Variants in PLEKHA6 observed in about 807,000 individuals in gnomAD.
PLEKHA6 encodes the protein pleckstrin homology domain-containing family A member 6.
Under a neutral mutation model 116.7 loss-of-function variants are expected in PLEKHA6, and 60 were observed. The observed-to-expected ratio is 0.51, with a 90% confidence interval of 0.42 to 0.64. PLEKHA6 has a LOEUF of 0.64. Among genes scored for constraint, PLEKHA6 ranks in the 30% least tolerant of loss-of-function variants. PLEKHA6 has a pLI of 0.00. For missense variants in PLEKHA6, 1,338 were observed against 1,422.7 expected (o/e 0.94, Z 0.96); for synonymous variants, 489 against 556.1 (o/e 0.88, Z 1.70).
intron 1 of PLEKHA6, among the ~76,000 whole-genome samples, chr1:204,343,144 T>C (rs934312035): frequency 6.6e-5 from 10 of 152,182 alleles, no homozygotes; most frequent in Non-Finnish European, 1.2e-4. Context: ...TACAATGAGC[T>C]CAATTTAAAC....
chr1:204,347,847 A>T (rs1673121528), intron 1 of PLEKHA6, among the ~76,000 whole-genome samples: 1 of 152,062 alleles, frequency 6.6e-6, no homozygotes, highest in Non-Finnish European at 1.5e-5. Flanking sequence ...GGATGCAGAG[A>T]TTAGGGGTTC....
chr1:204,301,268 G>A (rs1175084498), intron 1 of PLEKHA6: 13 of 982,994 alleles, frequency 1.3e-5, no homozygotes, highest in Middle Eastern at 1.0e-3. Context: ...CTGACAGCGA[G>A]TCAAAGCACT....
chr1:204,328,492 G>A (rs540774130), intron 1 of PLEKHA6, among the ~76,000 whole-genome samples: 1 of 150,832 alleles, frequency 6.6e-6, no homozygotes, highest in East Asian at 2.0e-4. Flanking sequence ...TGCCTCTCGG[G>A]TTTCCCTGCC....
chr1:204,322,297 A>T (rs74138377), intron 1 of PLEKHA6, among the ~76,000 whole-genome samples: 2,226 of 152,030 alleles, frequency 0.015, 63 homozygotes, highest in African/African-American at 0.052. Flanking sequence ...TTGTGCCCAG[A>T]CTCCTTGTTT....
chr1:204,260,929 G>A (rs1334518966), intron 7 of PLEKHA6, among the ~76,000 whole-genome samples: 2 of 152,202 alleles, frequency 1.3e-5, no homozygotes, highest in African/African-American at 2.4e-5. Context: ...CTGAGATCAC[G>A]CTACAGCCAA....
intron 1 of PLEKHA6, among the ~76,000 whole-genome samples, chr1:204,281,329 T>A (rs1327326850): frequency 1.3e-5 from 2 of 151,964 alleles, no homozygotes; most frequent in Non-Finnish European, 2.9e-5. Flanking sequence ...ATCAAGACCA[T>A]CCTGGCTAAC....
In PLEKHA6 at chr1:204,241,774, T is replaced by A. The variant is rs777618534; in HGVS notation, c.2213A>T (p.Gln738Leu). 2.5e-6 allele frequency: 4 copies of A among 1,614,152 alleles called. No individual in the cohort carries two copies. The East Asian group carries it at 8.9e-5, about 36-fold the overall frequency. ...NYEQSKKDPH[Q>L]TLPLDTPRDI... ...TCTGGGGGTGTCCAGGGGCAATGTC[T>A]GGTGGGGGTCTTTCTTGCTTTGTTC... Residue 738 changes from glutamine to leucine, a missense_variant, in exon 16 of 23, where the codon CAG becomes CTG. By Grantham distance (113) the Gln-to-Leu change is moderately radical. Around this residue, in one of 3 missense-constraint regions of PLEKHA6, gnomAD observed 1,136 missense variants for 1,163.6 expected, o/e 0.98. Transcript: ENST00000272203.
intron 6 of PLEKHA6, 52 bp downstream of exon 6, chr1:204,264,890 G>T: frequency 7.9e-7 from 1 of 1,259,190 alleles, no homozygotes; most frequent in Non-Finnish European, 1.2e-6. Context: ...ATAGGCTCTA[G>T]AAGAGCAGGC....
In PLEKHA6 at chr1:204,261,289, A is replaced by G; in HGVS notation, c.524+17T>C. 1 of 1,613,918 alleles carries G rather than the reference A, an allele frequency of 6.2e-7. No homozygotes were observed. Among genetic ancestry groups the G allele is most frequent in the Non-Finnish European group, 8.5e-7 (1 of 1,179,928 alleles). Reference sequence around the variant, plus strand: ...TTATTCTTCCTGCACCCCCACACTCAATTCCCTGGCACTCACCTGTGCCGC... The same window carrying G: ...TTATTCTTCCTGCACCCCCACACTCGATTCCCTGGCACTCACCTGTGCCGC... On this transcript the variant is annotated intron_variant, in intron 7 of 22. Transcript: ENST00000272203. The surrounding 1 kb of genome is among the most constrained non-coding windows in gnomAD (Gnocchi z 4.0).
At chr1:204,256,710 G>T (rs1054043377) in intron 9 of PLEKHA6, 3 of 451,850 alleles carry the variant, frequency 6.6e-6, no homozygotes, top group Non-Finnish European at 7.8e-6. Context: ...TAGGCACAGA[G>T]CGTCCCTGGA....
intron 9 of PLEKHA6, among the ~76,000 whole-genome samples, chr1:204,255,052 CCTCT>C (rs1226256209): frequency 6.6e-6 from 1 of 152,140 alleles, no homozygotes; most frequent in Non-Finnish European, 1.5e-5. Flanking sequence ...GATAATACTC[CCTCT>C]GTTTGCACTG....
chr1:204,237,549 T>G (rs1662233296), intron 17 of PLEKHA6, among the ~76,000 whole-genome samples: 1 of 152,178 alleles, frequency 6.6e-6, no homozygotes, highest in Non-Finnish European at 1.5e-5. Flanking sequence ...AACCAAGTGG[T>G]GACTCCAATT....
At chr1:204,265,463 G>A (rs1666685113) in intron 5 of PLEKHA6, among the ~76,000 whole-genome samples, 1 of 152,214 alleles carries the variant, frequency 6.6e-6, no homozygotes, top group South Asian at 2.1e-4. Flanking sequence ...TATAGGTAAG[G>A]AAGCTGAGAC....
intron 1 of PLEKHA6, chr1:204,308,977 C>T (rs1671542609): frequency 3.4e-6 from 2 of 585,316 alleles, no homozygotes; most frequent in Admixed American, 1.3e-4. Context: ...GCGTGAGCCA[C>T]CACGCCCGGC....
At position 204,245,671 on chromosome 1, in the gene PLEKHA6, A is replaced by G; in HGVS notation, c.1976T>C (p.Met659Thr). The G allele has an allele frequency of 1.9e-6, 3 of 1,613,870 alleles. No homozygotes were observed. Among genetic ancestry groups the G allele is most frequent in the Non-Finnish European group, 2.5e-6 (3 of 1,179,876 alleles). The change falls in exon 14 of 23, where the codon ATG (methionine) becomes ACG (threonine). Residue 659 changes from methionine to threonine, a missense_variant. Physicochemically the swap from Met to Thr is moderately conservative, Grantham distance 81. This residue lies in a region of PLEKHA6 where 1,136 missense variants were observed against 1,163.6 expected (regional missense o/e 0.98). Coordinates refer to ENST00000272203, the MANE Select transcript of PLEKHA6 (RefSeq NM_014935.5). ...QKEIWRIQDV[M>T]EGLRKNNPSR... is the part of the protein sequence containing the mutation. The stretch of plus-strand genomic sequence containing the variant: ...GGGGTTGTTCTTCCTCAGCCCCTCC[A>G]TCACGTCCTGGATCCTCCAGATCTC...
At chr1:204,373,594 T>C (rs756693011) in intron 1 of PLEKHA6, among the ~76,000 whole-genome samples, 7 of 152,288 alleles carry the variant, frequency 4.6e-5, no homozygotes, top group Middle Eastern at 3.4e-3. Context: ...TAGTATTCCA[T>C]TGTAGGAAAC....
chr1:204,327,414 C>G (rs970587060), intron 1 of PLEKHA6, among the ~76,000 whole-genome samples: 4 of 152,224 alleles, frequency 2.6e-5, no homozygotes, highest in Non-Finnish European at 4.4e-5. Context: ...AGGAAGTAGA[C>G]AGCGATAAGG....
At chr1:204,226,724 A>T (rs550340016) in intron 21 of PLEKHA6, among the ~76,000 whole-genome samples, 32 of 152,064 alleles carry the variant, frequency 2.1e-4, no homozygotes, top group Admixed American at 2.1e-3. Context: ...AGTCCATTAC[A>T]CCCTAACTGG....
At chr1:204,272,929 G>C (rs1474563556) in intron 3 of PLEKHA6, among the ~76,000 whole-genome samples, 1 of 152,148 alleles carries the variant, frequency 6.6e-6, no homozygotes, top group Non-Finnish European at 1.5e-5. Flanking sequence ...TAGAAGAGCG[G>C]TTTCTATGCT....
Sources: gnomAD v4.1 joint callset for allele counts (sites outside exome capture counted in the v4.1 genomes callset) on GRCh38, gnomAD v4.1.1 for gene constraint, gnomAD v4.1.1 regional missense constraint, Gnocchi (gnomAD v3.1) non-coding constraint, MANE v1.5 for transcripts, NCBI Gene and HGNC (gene_info 2026-07-23, HGNC 2026-07-21) for gene names.